SCHIP1: variants seen among roughly 807,000 people sequenced by gnomAD.
SCHIP1 encodes the protein schwannomin interacting protein 1.
Under a neutral mutation model 29.7 loss-of-function variants are expected in SCHIP1, and 8 were observed. The observed-to-expected ratio is 0.27, with a 90% CI of 0.16 to 0.49. The LOEUF is 0.49. SCHIP1 is among the 20% of genes least tolerant of loss of function. The pLI, the probability that SCHIP1 is intolerant of heterozygous loss-of-function variation, is 0.99. For missense variants in SCHIP1, 193 were observed against 294.6 expected (o/e 0.66, Z 2.52); for synonymous variants, 76 against 94.9 (o/e 0.80, Z 1.16).
At chr3:159,514,648 G>T in the SCHIP1 span, among the ~76,000 whole-genome samples, 2,473 of 152,202 alleles carry the variant, frequency 0.016, 74 homozygotes, top group African/African-American at 0.057. Flanking sequence ...TAGCCAGAAT[G>T]TTTTACATTA....
At chr3:159,880,486 A>C (rs1371300407) in intron 2 of SCHIP1, among the ~76,000 whole-genome samples, 1 of 152,210 alleles carries the variant, frequency 6.6e-6, no homozygotes, top group Non-Finnish European at 1.5e-5. Context: ...TGATCCAAGC[A>C]CTTGATATCT....
chr3:159,741,880 T>G, the SCHIP1 span, among the ~76,000 whole-genome samples: 3 of 152,122 alleles, frequency 2.0e-5, no homozygotes, highest in African/African-American at 7.2e-5. Context: ...TTGATCAGTC[T>G]TAGACTAATC....
chr3:159,783,115 G>A, the SCHIP1 span, among the ~76,000 whole-genome samples: 1 of 152,220 alleles, frequency 6.6e-6, no homozygotes, highest in Non-Finnish European at 1.5e-5. Context: ...TTGCTCAGTA[G>A]CTGCACTCTG....
At chr3:159,381,217 A>G in the SCHIP1 span, among the ~76,000 whole-genome samples, 1 of 152,192 alleles carries the variant, frequency 6.6e-6, no homozygotes, top group Non-Finnish European at 1.5e-5. Context: ...CGAGGTAGAC[A>G]TAGTGTACTA....
chr3:159,628,361 CA>C, the SCHIP1 span, among the ~76,000 whole-genome samples: 1 of 152,184 alleles, frequency 6.6e-6, no homozygotes, highest in Admixed American at 6.5e-5. Flanking sequence ...AGAGCATCTT[CA>C]ATACTTCATG....
chr3:159,750,008 A>G, the SCHIP1 span, among the ~76,000 whole-genome samples: 1 of 152,058 alleles, frequency 6.6e-6, no homozygotes, highest in African/African-American at 2.4e-5. Context: ...ATAATTCTAT[A>G]TAGTAATATC....
the SCHIP1 span, among the ~76,000 whole-genome samples, chr3:159,341,427 G>A: frequency 6.6e-6 from 1 of 152,038 alleles, no homozygotes; most frequent in Non-Finnish European, 1.5e-5. Context: ...CCCTTACTTT[G>A]GGCAAATTAC....
the SCHIP1 span, among the ~76,000 whole-genome samples, chr3:159,594,224 C>T: frequency 1.3e-5 from 2 of 152,164 alleles, no homozygotes; most frequent in African/African-American, 4.8e-5. Flanking sequence ...AGGAAAGTGG[C>T]CAGACAAAAG....
the SCHIP1 span, among the ~76,000 whole-genome samples, chr3:159,717,387 A>G: frequency 3.9e-5 from 6 of 152,384 alleles, no homozygotes; most frequent in Non-Finnish European, 7.3e-5. Context: ...AGATCAAAGC[A>G]GAACTGAAGG....
At chr3:159,763,960 C>A in the SCHIP1 span, 1 of 150,398 alleles carries the variant, frequency 6.6e-6, no homozygotes, top group African/African-American at 2.5e-5. Context: ...CGGGGCGGGG[C>A]CGGGCCGGGC....
chr3:159,758,310 G>T, the SCHIP1 span, among the ~76,000 whole-genome samples: 1 of 152,042 alleles, frequency 6.6e-6, no homozygotes, highest in African/African-American at 2.4e-5. Context: ...CCGCCACCAT[G>T]CCTGGCTAAT....
the SCHIP1 span, among the ~76,000 whole-genome samples, chr3:159,661,515 C>G: frequency 0.086 from 13,036 of 152,216 alleles, 1,655 homozygotes; most frequent in African/African-American, 0.28. Context: ...TATCGTGCAA[C>G]ATATGACACA....
the SCHIP1 span, among the ~76,000 whole-genome samples, chr3:159,633,369 G>T: frequency 0.021 from 3,149 of 152,182 alleles, 93 homozygotes; most frequent in African/African-American, 0.071. Context: ...AAAAGCACAC[G>T]TCTCCAAATT....
the SCHIP1 span, among the ~76,000 whole-genome samples, chr3:159,712,808 A>G: frequency 2.0e-5 from 3 of 151,548 alleles, no homozygotes; most frequent in Non-Finnish European, 2.9e-5. Flanking sequence ...AGAGAGAAAG[A>G]AAAAGAAAGA....
the SCHIP1 span, among the ~76,000 whole-genome samples, chr3:159,673,978 C>G: frequency 6.6e-6 from 1 of 152,150 alleles, no homozygotes; most frequent in African/African-American, 2.4e-5. Flanking sequence ...CCTGGTACCC[C>G]CTGTTATGAA....
the SCHIP1 span, among the ~76,000 whole-genome samples, chr3:159,644,684 C>T: frequency 6.6e-6 from 1 of 152,062 alleles, no homozygotes; most frequent in Non-Finnish European, 1.5e-5. Flanking sequence ...TTGAATAATG[C>T]CCATTAAATT....
At chr3:159,671,381 C>T in the SCHIP1 span, among the ~76,000 whole-genome samples, 7 of 152,148 alleles carry the variant, frequency 4.6e-5, no homozygotes, top group African/African-American at 1.7e-4. Context: ...ATTGATTCTT[C>T]TTTCTGGTCA....
the SCHIP1 span, among the ~76,000 whole-genome samples, chr3:159,682,412 A>G: frequency 6.6e-6 from 1 of 152,174 alleles, no homozygotes; most frequent in African/African-American, 2.4e-5. Context: ...TGGTACACCC[A>G]CTCAAAGTTT....
At chr3:159,554,700 T>C in the SCHIP1 span, among the ~76,000 whole-genome samples, 1 of 152,158 alleles carries the variant, frequency 6.6e-6, no homozygotes, top group South Asian at 2.1e-4. Flanking sequence ...CAGGCTTTGA[T>C]GCCCCTTCTT....
Sources: allele counts gnomAD v4.1 joint callset (sites outside exome capture counted in the v4.1 genomes callset), GRCh38; gene constraint gnomAD v4.1.1; transcripts MANE v1.5; gene names NCBI Gene and HGNC (gene_info 2026-07-23, HGNC 2026-07-21).